Variants in DHRSX observed in about 807,000 individuals in gnomAD.
DHRSX encodes the protein polyprenol dehydrogenase.
Under a neutral mutation model 34.0 loss-of-function variants are expected in DHRSX, and 31 were observed. The observed-to-expected ratio is 0.91, with a 90% CI of 0.69 to 1.23. The LOEUF (loss-of-function observed/expected upper bound fraction) is 1.23, where lower values mean the gene tolerates loss of function less well. Among genes scored for constraint, DHRSX ranks in the 50% most tolerant of loss-of-function variants. DHRSX has a pLI of 0.00. For synonymous variants in DHRSX, 201 were observed against 183.8 expected (o/e 1.09, Z -0.76); for missense variants, 414 against 428.1 (o/e 0.97, Z 0.29).
At chrX:2,436,780 T>G (rs1180725480) in intron 1 of DHRSX, among the ~76,000 whole-genome samples, 1 of 151,836 alleles carries the variant, frequency 6.6e-6, no homozygotes, top group African/African-American at 2.4e-5. Flanking sequence ...TACAGGTGTG[T>G]GCCACCATGC....
At chrX:2,310,262 G>C (rs1158087768) in intron 3 of DHRSX, among the ~76,000 whole-genome samples, 9 of 152,112 alleles carry the variant, frequency 5.9e-5, no homozygotes, top group African/African-American at 2.2e-4. Flanking sequence ...ATGGCTTCTG[G>C]CCTCTCTTCA....
chrX:2,444,587 C>A (rs995919448), intron 1 of DHRSX, among the ~76,000 whole-genome samples: 4 of 152,082 alleles, frequency 2.6e-5, no homozygotes, highest in African/African-American at 9.7e-5. Context: ...TCCCAGCACT[C>A]TGGGAGGCCC....
intron 1 of DHRSX, among the ~76,000 whole-genome samples, chrX:2,473,478 C>T (rs1206014974): frequency 2.0e-5 from 3 of 151,830 alleles, no homozygotes; most frequent in Admixed American, 6.6e-5. Flanking sequence ...ATAAAATTAG[C>T]CGGGCGTGGT....
chrX:2,285,299 TG>T (rs2041791856), intron 4 of DHRSX, among the ~76,000 whole-genome samples: 1 of 152,164 alleles, frequency 6.6e-6, no homozygotes, highest in Non-Finnish European at 1.5e-5. Flanking sequence ...CAGTCCCATC[TG>T]GGGGTGATGG....
At chrX:2,251,482 C>G (rs1315346891) in intron 5 of DHRSX, among the ~76,000 whole-genome samples, 1 of 152,146 alleles carries the variant, frequency 6.6e-6, no homozygotes. Flanking sequence ...GCCTTTGCCT[C>G]TTTTAAATAG....
At chrX:2,444,695 G>A (rs965962828) in intron 1 of DHRSX, among the ~76,000 whole-genome samples, 12 of 151,992 alleles carry the variant, frequency 7.9e-5, no homozygotes, top group Non-Finnish European at 1.6e-4. Flanking sequence ...ACTTGCCTGG[G>A]CATGATGGCA....
chrX:2,420,840 T>C (rs1301227108), intron 2 of DHRSX, among the ~76,000 whole-genome samples: 1 of 152,020 alleles, frequency 6.6e-6, no homozygotes, highest in Non-Finnish European at 1.5e-5. Flanking sequence ...AAGAGACTGA[T>C]ATAGACCAAA....
At chrX:2,295,891 G>T in intron 3 of DHRSX, among the ~76,000 whole-genome samples, 1 of 152,130 alleles carries the variant, frequency 6.6e-6, no homozygotes, top group Admixed American at 6.5e-5. Flanking sequence ...TTTTCTCATC[G>T]AAGACCATAA....
intron 6 of DHRSX, among the ~76,000 whole-genome samples, chrX:2,221,644 GA>G (rs2015522497): frequency 1.3e-5 from 2 of 152,098 alleles, no homozygotes; most frequent in Non-Finnish European, 2.9e-5. Flanking sequence ...ACATCAAAAA[GA>G]TTCTTGTTTT....
intron 4 of DHRSX, among the ~76,000 whole-genome samples, chrX:2,268,394 T>C (rs1296255597): frequency 6.6e-6 from 1 of 152,244 alleles, no homozygotes; most frequent in Non-Finnish European, 1.5e-5. Context: ...CCTGGAATTC[T>C]GTATCTATCT....
chrX:2,313,196 G>GT (rs1261917374), intron 3 of DHRSX, among the ~76,000 whole-genome samples: 1 of 151,372 alleles, frequency 6.6e-6, no homozygotes, highest in Non-Finnish European at 1.5e-5. Flanking sequence ...TCAAGACGGG[G>GT]TTTCACCATG....
intron 1 of DHRSX, among the ~76,000 whole-genome samples, chrX:2,480,445 G>T (rs2044751512): frequency 6.6e-6 from 1 of 150,994 alleles, no homozygotes; most frequent in Non-Finnish European, 1.5e-5. Context: ...GCTATGGAAG[G>T]CTGAGGAAGG....
At chrX:2,242,257 A>T (rs1228741090) in intron 6 of DHRSX, among the ~76,000 whole-genome samples, 1 of 152,154 alleles carries the variant, frequency 6.6e-6, no homozygotes, top group Admixed American at 6.6e-5. Context: ...CCCCTACCAC[A>T]GCATCCCCAA....
At chrX:2,360,097 C>G (rs925948456) in intron 3 of DHRSX, among the ~76,000 whole-genome samples, 3 of 151,964 alleles carry the variant, frequency 2.0e-5, no homozygotes, top group Admixed American at 6.6e-5. Flanking sequence ...GAAGTTTGAA[C>G]TATAAGAATC....
chrX:2,251,729 A>G (rs1376220817), intron 5 of DHRSX, among the ~76,000 whole-genome samples: 5 of 152,340 alleles, frequency 3.3e-5, no homozygotes, highest in African/African-American at 1.2e-4. Flanking sequence ...ACTGGGGAAC[A>G]AGCATTTCAA....
At chrX:2,407,444 C>T (rs1188015176) in intron 3 of DHRSX, among the ~76,000 whole-genome samples, 5 of 152,148 alleles carry the variant, frequency 3.3e-5, no homozygotes, top group Admixed American at 6.6e-5. Flanking sequence ...GGTCGTCCCC[C>T]GCAACCCGGA....
At chrX:2,483,122 T>G (rs1225772160) in intron 1 of DHRSX, among the ~76,000 whole-genome samples, 2 of 152,118 alleles carry the variant, frequency 1.3e-5, no homozygotes, top group African/African-American at 4.8e-5. Flanking sequence ...GTCTCACTCT[T>G]TTGCCCAGGC....
chrX:2,469,414 C>G (rs182134352), intron 1 of DHRSX, among the ~76,000 whole-genome samples: 4,585 of 151,874 alleles, frequency 0.03, 202 homozygotes, highest in African/African-American at 0.1. Context: ...AAGAATGCAG[C>G]CAAGCGACGG....
intron 6 of DHRSX, among the ~76,000 whole-genome samples, chrX:2,235,814 CAATA>C (rs2016000485): frequency 6.8e-6 from 1 of 147,828 alleles, no homozygotes; most frequent in African/African-American, 2.5e-5. Context: ...ATAAGCAAAT[CAATA>C]AATACATAAG....
Sources: allele counts gnomAD v4.1 joint callset (sites outside exome capture counted in the v4.1 genomes callset), GRCh38; gene constraint gnomAD v4.1.1; transcripts MANE v1.5; gene names NCBI Gene and HGNC (gene_info 2026-07-23, HGNC 2026-07-21).